KMT2C: variants seen among roughly 807,000 people sequenced by gnomAD.
KMT2C encodes lysine methyltransferase 2C, also known as histone-lysine N-methyltransferase 2C.
KMT2C carries 88 observed loss-of-function variants against 507.9 expected under a neutral mutation model. That is an observed-to-expected ratio of 0.17 (90% confidence interval 0.15 to 0.21). KMT2C has a LOEUF of 0.21. KMT2C is among the 10% of genes least tolerant of loss of function. The pLI, the probability that KMT2C is intolerant of heterozygous loss-of-function variation, is 1.00. For synonymous variants in KMT2C, 2,049 were observed against 2,080.8 expected (o/e 0.98, Z 0.42); for missense variants, 4,954 against 5,957.8 (o/e 0.83, Z 5.55).
rs371701693 is a variant in KMT2C, at chr7:152,179,262, T to C, written c.7442+572A>G. ...CCGCCCACCTCGGCCTCCCAAAGTA[T>C]TGGGATTACAGGCCTGAGCCACTGC... On this transcript the variant is annotated intron_variant, in intron 37 of 58. Coordinates refer to ENST00000262189, the MANE Select transcript of KMT2C (RefSeq NM_170606.3). Among the ~76,000 whole-genome samples the C allele has an allele frequency of 2.1e-3, 320 of 152,276 alleles. 1 individual carries two copies. The highest frequency in any genetic ancestry group is 7.1e-3 in the African/African-American group (295 of 41,574).
chr7:152,214,679 C>T (rs551196093), intron 23 of KMT2C, among the ~76,000 whole-genome samples: 1 of 152,208 alleles, frequency 6.6e-6, no homozygotes, highest in Admixed American at 6.5e-5. Context: ...GGAAAGTATA[C>T]TAAATAAAGT....
At chr7:152,219,496 T>C (rs2129144985) in intron 23 of KMT2C, among the ~76,000 whole-genome samples, 1 of 151,808 alleles carries the variant, frequency 6.6e-6, no homozygotes, top group South Asian at 2.1e-4. Flanking sequence ...CTATAGTACC[T>C]GCTACTTGAG....
At position 152,163,566 on chromosome 7, in the gene KMT2C, G is replaced by T; in HGVS notation, c.10011C>A (p.Pro3337=). Residue 3337 remains proline, a synonymous_variant, in exon 43 of 59, where the codon CCC becomes CCA. Transcript: ENST00000262189. ...GGGGCAGGTGGGCAGGAGCACTGTTGGGTTGCCATCCAGGTAAACTGGGCA... is the reference window on the plus strand; with the variant it reads ...GGGGCAGGTGGGCAGGAGCACTGTTTGGTTGCCATCCAGGTAAACTGGGCA... ...VRMPSLPGWQ[P]NSAPAHLPLN... The T allele has an allele frequency of 6.2e-7, 1 of 1,607,122 alleles. No individual in the cohort carries two copies. Among genetic ancestry groups the T allele is most frequent in the Non-Finnish European group, 8.5e-7 (1 of 1,175,712 alleles).
intron 27 of KMT2C, among the ~76,000 whole-genome samples, chr7:152,198,785 C>A (rs1306791850): frequency 1.3e-5 from 2 of 152,042 alleles, no homozygotes; most frequent in African/African-American, 4.8e-5. Context: ...TTCTATACAC[C>A]AGAAAGGCTC....
chr7:152,391,543 CTTTTTTTTTTT>C (rs71198782), intron 1 of KMT2C, among the ~76,000 whole-genome samples: 2 of 97,226 alleles, frequency 2.1e-5, no homozygotes, highest in Non-Finnish European at 4.1e-5. Context: ...CATGCCCGGC[CTTTTTTTTTTT>C]TTTTTTTTTT....
At chr7:152,374,938 A>G (rs569218768) in intron 1 of KMT2C, among the ~76,000 whole-genome samples, 1 of 152,264 alleles carries the variant, frequency 6.6e-6, no homozygotes, top group Non-Finnish European at 1.5e-5. Context: ...ATCCATGCAA[A>G]ATCAATTTTT....
intron 1 of KMT2C, among the ~76,000 whole-genome samples, chr7:152,363,546 G>C (rs1011413228): frequency 1.3e-5 from 2 of 152,116 alleles, no homozygotes; most frequent in African/African-American, 4.8e-5. Context: ...ATAAGACACT[G>C]GGCAACAGGT....
At chr7:152,340,349 C>T (rs2360874) in intron 2 of KMT2C, among the ~76,000 whole-genome samples, 151,225 of 152,190 alleles carry the variant, frequency 0.99, 75,136 homozygotes, top group East Asian at 1. Context: ...AATGGCAATA[C>T]TTTTCATGCT....
At chr7:152,173,198 T>C (rs1238212192) in intron 39 of KMT2C, among the ~76,000 whole-genome samples, 1 of 152,196 alleles carries the variant, frequency 6.6e-6, no homozygotes, top group Non-Finnish European at 1.5e-5. Flanking sequence ...TGAAAAGAAT[T>C]ATACCCTTAA....
chr7:152,395,360 C>T (rs557103001), intron 1 of KMT2C, among the ~76,000 whole-genome samples: 1 of 151,716 alleles, frequency 6.6e-6, no homozygotes, highest in African/African-American at 2.4e-5. Context: ...TTCTTTCCCC[C>T]CCCCAGTTAG....
At chr7:152,171,223 A>G (rs745732471) in intron 40 of KMT2C, 41 bp downstream of exon 40, 7 of 1,358,552 alleles carry the variant, frequency 5.2e-6, no homozygotes, top group Non-Finnish European at 7.2e-6. Flanking sequence ...GGGAAACAGA[A>G]AAGCGTGCAT....
intron 23 of KMT2C, among the ~76,000 whole-genome samples, chr7:152,208,153 C>T (rs1416967713): frequency 6.6e-6 from 1 of 152,088 alleles, no homozygotes; most frequent in Non-Finnish European, 1.5e-5. Flanking sequence ...GCTTAAAATC[C>T]TTTCATGTCT....
At chr7:152,433,939 T>C (rs1401425039) in intron 1 of KMT2C, among the ~76,000 whole-genome samples, 2 of 152,268 alleles carry the variant, frequency 1.3e-5, no homozygotes, top group Non-Finnish European at 2.9e-5. Context: ...CTAATCTTTC[T>C]GGAGTAAGAA....
At position 152,315,256 on chromosome 7, in the gene KMT2C, C is replaced by T. The variant is rs2129202616; in HGVS notation, c.472G>A (p.Gly158Arg). 1 of 1,613,922 alleles carries T rather than the reference C, an allele frequency of 6.2e-7. No individual in the cohort carries two copies. Among genetic ancestry groups the T allele is most frequent in the South Asian group, 1.1e-5 (1 of 91,084 alleles). ...GDLKQFRITP[G>R]FILPWRNQPS... ...TGGTTTCTCCATGGCAAGATAAATC[C>T]AGGCGTTATTCTGAATTGTTTTAAG... Residue 158 changes from glycine to arginine, a missense_variant, in exon 4 of 59, where the codon GGA becomes AGA. Physicochemically the swap from Gly to Arg is moderately radical, Grantham distance 125. Coordinates refer to ENST00000262189, the MANE Select transcript of KMT2C (RefSeq NM_170606.3).
Position 152,430,104 on chromosome 7 carries a change from G to C in KMT2C, c.161+5522C>G, listed in dbSNP as rs372960974. On this transcript the variant is annotated intron_variant, in intron 1 of 58. Transcript: ENST00000262189. Reference sequence around the variant, plus strand: ...GAGTCAGGCGAATCGCTTGAATCCGGAGGGCGGCAGCCACAGTGAGCCAGG... The same window carrying C: ...GAGTCAGGCGAATCGCTTGAATCCGCAGGGCGGCAGCCACAGTGAGCCAGG... 5.3e-5 allele frequency among the ~76,000 whole-genome samples: 8 copies of C among 151,234 alleles called. No homozygotes were observed. In the East Asian group the frequency reaches 1.6e-3, roughly 30 times the overall value.
chr7:152,317,906 C>T (rs946909407), intron 3 of KMT2C, among the ~76,000 whole-genome samples: 1 of 151,970 alleles, frequency 6.6e-6, no homozygotes, highest in Admixed American at 6.6e-5. Flanking sequence ...TTTGGGAGGC[C>T]GAGACGGGCA....
rs1239197479 is a variant in KMT2C, at chr7:152,158,803, C to CTAG, written c.11670+59_11670+60insCTA. On this transcript the variant is annotated intron_variant, in intron 44 of 58. Transcript: ENST00000262189. ...GTGCTGGGATTACAGGCATGAGCCA[C>CTAG]TGCCCCCAGCCTATATCCTTGACTT... 3 of 1,502,192 alleles carry CTAG rather than the reference C, an allele frequency of 2.0e-6. No individual in the cohort carries two copies. The African/African-American group carries it at 4.1e-5, about 21-fold the overall frequency. The allele number at this position is 1,502,192 out of a possible 1,614,324, so 93.1% of individuals were successfully genotyped here.
chr7:152,396,214 A>G (rs1261658055), intron 1 of KMT2C, among the ~76,000 whole-genome samples: 1 of 152,182 alleles, frequency 6.6e-6, no homozygotes, highest in African/African-American at 2.4e-5. Flanking sequence ...CTGTGTTTGG[A>G]TTCTGACCCA....
intron 6 of KMT2C, among the ~76,000 whole-genome samples, chr7:152,306,611 C>T (rs1420242991): frequency 6.6e-6 from 1 of 152,142 alleles, no homozygotes; most frequent in Non-Finnish European, 1.5e-5. Context: ...TTGTTAGAGG[C>T]ATATTCAGCA....
Sources: allele counts gnomAD v4.1 joint callset (sites outside exome capture counted in the v4.1 genomes callset), GRCh38; gene constraint gnomAD v4.1.1; transcripts MANE v1.5; gene names NCBI Gene and HGNC (gene_info 2026-07-23, HGNC 2026-07-21).